The following SYT14 variants were observed in gnomAD, a reference collection of about 807,000 sequenced individuals.
The protein encoded by SYT14 is synaptotagmin-14.
In SYT14, 32 loss-of-function variants were observed where a neutral mutation model predicts 74.2. The observed-to-expected ratio is 0.43, with a 90% CI of 0.33 to 0.58. The LOEUF (loss-of-function observed/expected upper bound fraction) is 0.58. Among genes scored for constraint, SYT14 ranks in the 20% least tolerant of loss-of-function variants. The pLI is 0.05. For missense variants in SYT14, 791 were observed against 981.8 expected (o/e 0.81, Z 2.60); for synonymous variants, 298 against 337.7 (o/e 0.88, Z 1.29).
chr1:210,118,553 C>T (rs2082402321), intron 7 of SYT14, among the ~76,000 whole-genome samples: 1 of 152,166 alleles, frequency 6.6e-6, no homozygotes, highest in Admixed American at 6.5e-5. Context: ...TCTCGGCTCA[C>T]TGCAACCTCC....
Position 209,959,082 on chromosome 1 carries a change from A to G in SYT14, c.-486+6326A>G, listed in dbSNP as rs977880407. ...GCCTATACCCAAGAAAATTGAAAAC[A>G]TATGTTTATACAAAAATTTGTAGAT... On this transcript the variant is annotated intron_variant, in intron 2 of 9. Transcript: ENST00000637265. Among the ~76,000 whole-genome samples the G allele has an allele frequency of 2.0e-5, 3 of 152,340 alleles. No homozygotes were observed. In the East Asian group the frequency reaches 5.8e-4, roughly 29 times the overall value.
exon 6 of SYT14, chr1:210,094,484 A>G: frequency 6.2e-7 from 1 of 1,614,006 alleles, no homozygotes; most frequent in African/African-American, 1.3e-5. Context: ...AGATGCTCAT[A>G]TAACAAGTGC....
chr1:209,953,323 G>A, intron 2 of SYT14: 1 of 1,134,708 alleles, frequency 8.8e-7, no homozygotes, highest in African/African-American at 1.6e-5. Flanking sequence ...AGAATCAGGA[G>A]AACCTTGGGA....
At chr1:209,947,061 A>G (rs2078834553) in intron 1 of SYT14, among the ~76,000 whole-genome samples, 1 of 152,222 alleles carries the variant, frequency 6.6e-6, no homozygotes, top group South Asian at 2.1e-4. Context: ...TCTGCTGTTG[A>G]GTCCTACTCA....
At chr1:209,974,985 G>C in intron 2 of SYT14, among the ~76,000 whole-genome samples, 1 of 152,128 alleles carries the variant, frequency 6.6e-6, no homozygotes, top group Non-Finnish European at 1.5e-5. Flanking sequence ...TTGTGAATGG[G>C]AGTTCACTCA....
intron 5 of SYT14, among the ~76,000 whole-genome samples, chr1:210,090,413 T>C (rs968030828): frequency 1.3e-5 from 2 of 152,238 alleles, no homozygotes. Context: ...CATCATTTTT[T>C]TTTTAGAGCT....
At chr1:209,953,158 T>C (rs2078939065) in intron 2 of SYT14, 1 of 1,289,650 alleles carries the variant, frequency 7.8e-7, no homozygotes. Flanking sequence ...ATCGGGAACA[T>C]ATCCAAAGAC....
intron 7 of SYT14, among the ~76,000 whole-genome samples, chr1:210,112,683 G>T (rs1441023918): frequency 6.6e-6 from 1 of 151,354 alleles, no homozygotes; most frequent in Non-Finnish European, 1.5e-5. Flanking sequence ...GGCCCTTGCA[G>T]TGAATGACTC....
rs2078667745 is a variant in SYT14 at position 209,938,330 on chromosome 1, G to A, written c.-534+53G>A. On this transcript the variant is annotated intron_variant, in intron 1 of 9. Transcript: ENST00000637265. Reference sequence around the variant, plus strand: ...AGGACCGGGACCACCCAGCTGGCGGGGGGCTCGGAGGTGCGCCGGCAGGCC... The same window carrying A: ...AGGACCGGGACCACCCAGCTGGCGGAGGGCTCGGAGGTGCGCCGGCAGGCC... 9.2e-6 allele frequency: 14 copies of A among 1,521,692 alleles called. No individual in the cohort carries two copies. In the Admixed American group the frequency reaches 2.5e-4, roughly 27 times the overall value. 94.3% of individuals were successfully genotyped at this position (1,521,692 alleles called of 1,614,324 possible).
At chr1:210,068,744 A>G (rs1397874099) in intron 5 of SYT14, among the ~76,000 whole-genome samples, 1 of 151,608 alleles carries the variant, frequency 6.6e-6, no homozygotes, top group Non-Finnish European at 1.5e-5. Context: ...TTCTTTAATT[A>G]TTTCAAGGAA....
chr1:210,013,880 G>A, intron 3 of SYT14, 83 bp downstream of exon 3: 1 of 1,411,392 alleles, frequency 7.1e-7, no homozygotes, highest in African/African-American at 1.5e-5. Context: ...CAATAAAAAG[G>A]TTGGTTGTGA....
At chr1:210,072,240 T>G (rs775561303) in intron 5 of SYT14, among the ~76,000 whole-genome samples, 4 of 151,830 alleles carry the variant, frequency 2.6e-5, no homozygotes, top group Non-Finnish European at 4.4e-5. Flanking sequence ...AGTTTTCTTG[T>G]GTTTGATGAG....
At position 210,024,476 on chromosome 1, in the gene SYT14, TGAG is replaced by T. The variant is rs767287404; in HGVS notation, c.1312+3226_1312+3228del. Among the ~76,000 whole-genome samples, 21 of 152,216 alleles carry T rather than the reference TGAG, an allele frequency of 1.4e-4. No individual in the cohort carries two copies. The East Asian group carries it at 2.5e-3, about 18-fold the overall frequency. ...AGATGACTGATTTCCTCATGTATGA[TGAG>T]GAGAATGATGATGTCATTAATATAA... is the stretch of plus-strand genomic sequence containing the variant. On this transcript the variant is annotated intron_variant, in intron 5 of 9. Coordinates refer to ENST00000637265, the Ensembl canonical transcript of SYT14.
chr1:209,963,260 C>T (rs2079104719), intron 2 of SYT14, among the ~76,000 whole-genome samples: 1 of 152,026 alleles, frequency 6.6e-6, no homozygotes, highest in Non-Finnish European at 1.5e-5. Flanking sequence ...AGATGGATTG[C>T]TGAGATGGTC....
chr1:210,037,529 G>C (rs988638336), intron 5 of SYT14, among the ~76,000 whole-genome samples: 2 of 137,836 alleles, frequency 1.5e-5, no homozygotes, highest in African/African-American at 2.6e-5. Context: ...TGATTTTTCT[G>C]TTTTTTTTTT....
intron 7 of SYT14, among the ~76,000 whole-genome samples, chr1:210,137,188 C>T (rs762219472): frequency 1.3e-5 from 2 of 152,146 alleles, no homozygotes; most frequent in South Asian, 4.1e-4. Flanking sequence ...CAAACAATAT[C>T]GGGAACTCTG....
chr1:209,982,991 CG>C (rs956539571), intron 2 of SYT14, among the ~76,000 whole-genome samples: 1 of 150,138 alleles, frequency 6.7e-6, no homozygotes, highest in African/African-American at 2.4e-5. Flanking sequence ...ATATGCTTAT[CG>C]CTTTTGGTGA....
intron 1 of SYT14, among the ~76,000 whole-genome samples, chr1:209,950,169 C>T (rs576577919): frequency 9.9e-5 from 15 of 152,010 alleles, no homozygotes; most frequent in Non-Finnish European, 1.6e-4. Context: ...TTAAAAAGTA[C>T]AGCCTTTTTA....
intron 5 of SYT14, among the ~76,000 whole-genome samples, chr1:210,045,596 G>A (rs1021920947): frequency 6.6e-6 from 1 of 152,238 alleles, no homozygotes; most frequent in East Asian, 1.9e-4. Context: ...TGAATTAATA[G>A]TATAGTTACA....
Sources: gnomAD v4.1 joint callset for allele counts (sites outside exome capture counted in the v4.1 genomes callset) on GRCh38, gnomAD v4.1.1 for gene constraint, MANE v1.5 for transcripts, NCBI Gene and HGNC (gene_info 2026-07-23, HGNC 2026-07-21) for gene names.